Variants in ME3 observed in about 807,000 individuals in gnomAD.
ME3 encodes NADP-dependent malic enzyme, mitochondrial.
Under a neutral mutation model 68.9 loss-of-function variants are expected in ME3, and 48 were observed. The ratio of observed to expected loss-of-function variants is 0.70; its 90% confidence interval spans 0.55 to 0.89. The LOEUF (loss-of-function observed/expected upper bound fraction) is 0.89. ME3 is among the 40% of genes least tolerant of loss of function. The pLI, the probability that ME3 is intolerant of heterozygous loss-of-function variation, is 0.00. For missense variants in ME3, 675 were observed against 797.4 expected, an observed-to-expected ratio of 0.85 and a Z score of 1.85; for synonymous variants, 320 against 318.8, an observed-to-expected ratio of 1.00 and a Z score of -0.04.
intron 2 of ME3, among the ~76,000 whole-genome samples, chr11:86,651,443 C>T (rs181233232): frequency 7.2e-5 from 11 of 152,310 alleles, no homozygotes; most frequent in South Asian, 4.1e-4. Flanking sequence ...CATCAATATC[C>T]GCTGTTCTGC....
intron 4 of ME3, among the ~76,000 whole-genome samples, chr11:86,546,464 T>C (rs760099011): frequency 5.9e-5 from 9 of 152,106 alleles, no homozygotes; most frequent in Non-Finnish European, 1.3e-4. Context: ...TAAACAAATT[T>C]ACAAGAAATA....
At chr11:86,621,020 G>A (rs1262451996) in intron 2 of ME3, among the ~76,000 whole-genome samples, 6 of 152,136 alleles carry the variant, frequency 3.9e-5, no homozygotes, top group Admixed American at 6.5e-5. Context: ...CCAAAGTAAG[G>A]TCTGGGTTGG....
chr11:86,622,097 G>T (rs1219386308), intron 2 of ME3, among the ~76,000 whole-genome samples: 1 of 151,954 alleles, frequency 6.6e-6, no homozygotes, highest in African/African-American at 2.4e-5. Context: ...GGCCAGGTGA[G>T]AATGTAGGTG....
intron 6 of ME3, among the ~76,000 whole-genome samples, chr11:86,491,589 A>G (rs1775091882): frequency 6.6e-6 from 1 of 152,208 alleles, no homozygotes; most frequent in African/African-American, 2.4e-5. Context: ...ACATGGAACA[A>G]GAAGCCCACA....
At chr11:86,607,712 AATATAT>A (rs10539253) in intron 2 of ME3, among the ~76,000 whole-genome samples, 9 of 147,694 alleles carry the variant, frequency 6.1e-5, no homozygotes, top group East Asian at 2.0e-4. Flanking sequence ...TTTTAAAAGA[AATATAT>A]ATATATATAT....
intron 2 of ME3, among the ~76,000 whole-genome samples, chr11:86,668,825 T>G (rs1307368142): frequency 1.3e-5 from 2 of 152,220 alleles, no homozygotes; most frequent in Non-Finnish European, 2.9e-5. Context: ...ATTCCAAGAA[T>G]TTAATGTTAA....
chr11:86,444,437 G>T (rs1287230095), intron 13 of ME3, among the ~76,000 whole-genome samples: 2 of 152,172 alleles, frequency 1.3e-5, no homozygotes, highest in Non-Finnish European at 2.9e-5. Context: ...GAAATTAGGG[G>T]AGAGACTTGA....
chr11:86,450,356 C>T lies in ME3; in HGVS notation c.962G>A (p.Arg321Gln), dbSNP rs770484153. ...ATTGGAAAGCTTGTTCTTGGTGATT[C>T]GCAGAGCAGCCAAGATCCCTGCCAC... The change falls in exon 9 of 15, where the codon CGA becomes CAA. Residue 321 changes from arginine (R) to glutamine (Q), a missense_variant. By Grantham distance (43) the Arg-to-Gln change is conservative (BLOSUM62 1). Transcript: ENST00000543262. 15 of 1,614,080 alleles carry T rather than the reference C, an allele frequency of 9.3e-6. No individual in the cohort carries two copies. The highest frequency in any genetic ancestry group is 3.3e-5 in the South Asian group (3 of 91,044).
chr11:86,585,503 TGTG>T (rs1158559381), intron 2 of ME3, among the ~76,000 whole-genome samples: 2 of 152,170 alleles, frequency 1.3e-5, no homozygotes, highest in Admixed American at 1.3e-4. Flanking sequence ...GATGAATGGT[TGTG>T]GTGTTCACTG....
chr11:86,621,909 A>C (rs1010576875), intron 2 of ME3, among the ~76,000 whole-genome samples: 1 of 151,992 alleles, frequency 6.6e-6, no homozygotes, highest in Non-Finnish European at 1.5e-5. Flanking sequence ...TTCCTTTAAG[A>C]GAGTTATTTT....
intron 2 of ME3, among the ~76,000 whole-genome samples, chr11:86,654,580 A>G (rs1353846448): frequency 6.6e-6 from 1 of 152,254 alleles, no homozygotes; most frequent in African/African-American, 2.4e-5. Flanking sequence ...TGAATTAGGT[A>G]TTGATGGGAC....
At chr11:86,541,481 T>G (rs2139347986) in intron 4 of ME3, among the ~76,000 whole-genome samples, 1 of 152,298 alleles carries the variant, frequency 6.6e-6, no homozygotes, top group South Asian at 2.1e-4. Context: ...CTGCCATTAC[T>G]GAGGTTTGAG....
chr11:86,541,943 T>A (rs1223327987), intron 4 of ME3, among the ~76,000 whole-genome samples: 3 of 152,172 alleles, frequency 2.0e-5, no homozygotes, highest in Non-Finnish European at 4.4e-5. Flanking sequence ...GGGATGAAGC[T>A]TCCAGAGAAA....
At chr11:86,661,661 G>A (rs1013412423) in intron 2 of ME3, among the ~76,000 whole-genome samples, 2 of 152,118 alleles carry the variant, frequency 1.3e-5, no homozygotes, top group Non-Finnish European at 2.9e-5. Context: ...TTCCACAGGT[G>A]TCAGCCTTGC....
At chr11:86,622,444 AAT>A (rs1943406158) in intron 2 of ME3, among the ~76,000 whole-genome samples, 1 of 152,012 alleles carries the variant, frequency 6.6e-6, no homozygotes, top group Non-Finnish European at 1.5e-5. Flanking sequence ...GAGAATACCT[AAT>A]AGTGTCTGTT....
chr11:86,599,496 G>A (rs957672414), intron 2 of ME3, among the ~76,000 whole-genome samples: 3 of 152,336 alleles, frequency 2.0e-5, no homozygotes, highest in South Asian at 2.1e-4. Flanking sequence ...GAAAGTGACG[G>A]GGAGAATGGA....
intron 4 of ME3, among the ~76,000 whole-genome samples, chr11:86,518,043 T>C (rs929763964): frequency 6.6e-5 from 10 of 152,206 alleles, no homozygotes; most frequent in African/African-American, 2.4e-4. Context: ...TAGCTGATAT[T>C]GGTTACTTAT....
chr11:86,561,259 AG>A (rs1299916673), intron 2 of ME3, among the ~76,000 whole-genome samples: 1 of 152,088 alleles, frequency 6.6e-6, no homozygotes, highest in African/African-American at 2.4e-5. Flanking sequence ...TGGCACTACA[AG>A]ATGCTCCAGG....
exon 3 of ME3, chr11:86,559,777 C>T (rs1957113036): frequency 1.2e-6 from 2 of 1,614,042 alleles, no homozygotes; most frequent in Non-Finnish European, 1.7e-6. Flanking sequence ...CGGGATTAGG[C>T]CGTGGATTCC....
Sources: gnomAD v4.1 joint callset for allele counts (sites outside exome capture counted in the v4.1 genomes callset) on GRCh38, gnomAD v4.1.1 for gene constraint, MANE v1.5 for transcripts, NCBI Gene and HGNC (gene_info 2026-07-23, HGNC 2026-07-21) for gene names.